ESCO1: variants seen among roughly 807,000 people sequenced by gnomAD.
ESCO1 encodes establishment of sister chromatid cohesion N-acetyltransferase 1.
A neutral mutation model predicts 83.5 loss-of-function variants in ESCO1; 33 were observed. The ratio of observed to expected loss-of-function variants is 0.40; its 90% confidence interval spans 0.30 to 0.53. The LOEUF is 0.53. ESCO1 is among the 20% of genes least tolerant of loss of function. The probability of loss-of-function intolerance (pLI) is 0.63; values close to 1 mark genes in which losing one functional copy is unlikely to be tolerated. For synonymous variants in ESCO1, 332 were observed against 324.3 expected (o/e 1.02, Z -0.25); for missense variants, 855 against 968.0 (o/e 0.88, Z 1.55).
rs1048249937 is a variant in ESCO1, at chr18:21,530,161, T to TA, written c.*181dup. ...GTAAAAGATAATAAAATATCTTCTTTAAAAAACAAAACAATAAGCTATTAC... is the reference window on the plus strand; with the variant it reads ...GTAAAAGATAATAAAATATCTTCTTTAAAAAAACAAAACAATAAGCTATTAC... On this transcript the variant is annotated 3_prime_UTR_variant, in exon 12 of 12. Transcript: ENST00000269214. 6.1e-5 allele frequency: 26 copies of TA among 427,510 alleles called. No individual in the cohort carries two copies. Among genetic ancestry groups the TA allele is most frequent in the African/African-American group, 4.5e-4 (22 of 48,888 alleles). The allele number at this position is 427,510 out of a possible 1,614,324, so 26.5% of individuals were successfully genotyped here.
At chr18:21,547,324 A>G (rs1022656750) in intron 8 of ESCO1, among the ~76,000 whole-genome samples, 6 of 150,908 alleles carry the variant, frequency 4.0e-5, no homozygotes, top group Non-Finnish European at 8.8e-5. Flanking sequence ...ATTATCACAT[A>G]AGAGATTACT....
At chr18:21,536,465 C>T (rs1221546440) in intron 9 of ESCO1, among the ~76,000 whole-genome samples, 1 of 152,000 alleles carries the variant, frequency 6.6e-6, no homozygotes, top group East Asian at 1.9e-4. Flanking sequence ...GCAGTGTGCG[C>T]CTGTAATCCC....
At chr18:21,531,327 T>G (rs1188402466) in intron 11 of ESCO1, among the ~76,000 whole-genome samples, 1 of 152,040 alleles carries the variant, frequency 6.6e-6, no homozygotes, top group African/African-American at 2.4e-5. Context: ...TCTCAGCTAC[T>G]CAGGAGGCTG....
rs1372414989 is a variant in ESCO1, at chr18:21,576,462, C to G, written c.-693-685G>C. On this transcript the variant is annotated intron_variant, in intron 2 of 11. Transcript: ENST00000269214. ...AGGTTGCAGTAAGCTATAATCATGC[C>G]AGTACACTCCAACCTGGACAAAAGA... Among the ~76,000 whole-genome samples the G allele has an allele frequency of 2.6e-5, 4 of 152,198 alleles. No individual in the cohort carries two copies. The East Asian group carries it at 7.7e-4, about 29-fold the overall frequency.
chr18:21,599,717 T>C (rs545613340), intron 1 of ESCO1, among the ~76,000 whole-genome samples: 1 of 151,968 alleles, frequency 6.6e-6, no homozygotes, highest in Non-Finnish European at 1.5e-5. Flanking sequence ...CTCCTCTTCC[T>C]CCCTCCCCTG....
intron 1 of ESCO1, among the ~76,000 whole-genome samples, chr18:21,594,160 C>T (rs1264564818): frequency 6.6e-6 from 1 of 152,164 alleles, no homozygotes; most frequent in Non-Finnish European, 1.5e-5. Flanking sequence ...CAAAATCACC[C>T]TGGGTTGAGA....
At chr18:21,600,205 G>A (rs765693355) in intron 1 of ESCO1, among the ~76,000 whole-genome samples, 4 of 152,260 alleles carry the variant, frequency 2.6e-5, no homozygotes, top group Non-Finnish European at 5.9e-5. Context: ...AGGGGGCGGA[G>A]ACGGGGCCCG....
chr18:21,534,228 T>C (rs568737988), intron 10 of ESCO1, among the ~76,000 whole-genome samples: 85 of 152,346 alleles, frequency 5.6e-4, no homozygotes, highest in African/African-American at 1.9e-3. Flanking sequence ...ACTGGAACAC[T>C]AAGCATGTGG....
intron 1 of ESCO1, among the ~76,000 whole-genome samples, chr18:21,599,424 G>C (rs2038809786): frequency 6.6e-6 from 1 of 152,338 alleles, no homozygotes; most frequent in South Asian, 2.1e-4. Flanking sequence ...AGAAGACAAA[G>C]TGAATATAGC....
At position 21,560,975 on chromosome 18, in the gene ESCO1, T is replaced by A; in HGVS notation, c.1837A>T (p.Arg613Ter). The change falls in exon 8 of 12, where the codon AGA (arginine) becomes TGA (stop). Residue 613 changes from arginine to a stop codon, truncating the protein, a stop_gained. Coordinates refer to ENST00000269214, the MANE Select transcript of ESCO1 (RefSeq NM_052911.3). LOFTEE classifies it high-confidence loss of function. ...KQLIIDAGQK[R>*]FGAVSCNVCG... Reference sequence around the variant, plus strand: ...ACATTACAAGAAACTGCTCCAAATCTTTTTTGTCCTGCATCCTATTTACAA... The same window carrying A: ...ACATTACAAGAAACTGCTCCAAATCATTTTTGTCCTGCATCCTATTTACAA... The A allele has an allele frequency of 6.3e-7, 1 of 1,588,654 alleles. No homozygotes were observed. Among genetic ancestry groups the A allele is most frequent in the Non-Finnish European group, 8.5e-7 (1 of 1,171,324 alleles).
intron 8 of ESCO1, among the ~76,000 whole-genome samples, chr18:21,552,924 C>A (rs987159516): frequency 4.6e-5 from 7 of 152,094 alleles, no homozygotes; most frequent in Non-Finnish European, 1.0e-4. Flanking sequence ...TTTAAGTATA[C>A]CAAAGGCACA....
chr18:21,553,816 C>T lies in ESCO1; in HGVS notation c.1953+7043G>A, dbSNP rs547158095. ...AGGTTGCAGTGAGCCGAGATTGTTG[C>T]GCCACTCACTGCACTCCAGCCTGGG... On this transcript the variant is annotated intron_variant, in intron 8 of 11. Coordinates refer to ENST00000269214, the MANE Select transcript of ESCO1 (RefSeq NM_052911.3). 9.4e-5 allele frequency among the ~76,000 whole-genome samples: 14 copies of T among 148,910 alleles called. 1 individual carries two copies. In the South Asian group the frequency reaches 2.1e-3, roughly 23 times the overall value.
intron 10 of ESCO1, among the ~76,000 whole-genome samples, chr18:21,535,440 T>C (rs1235929398): frequency 6.6e-6 from 1 of 151,372 alleles, no homozygotes; most frequent in African/African-American, 2.4e-5. Context: ...TGGAGTGCAG[T>C]GGCGCAATCT....
At chr18:21,530,536 TAAA>T (rs559851098) in intron 11 of ESCO1, 46 bp from the exon 12 acceptor site, 8 of 937,136 alleles carry the variant, frequency 8.5e-6, no homozygotes, top group East Asian at 4.6e-5. Flanking sequence ...TGTGAAATGT[TAAA>T]AAAAAAAAAA....
In ESCO1 at chr18:21,535,634, G is replaced by A. The variant is rs189499493; in HGVS notation, c.2187+408C>T. Among the ~76,000 whole-genome samples the A allele has an allele frequency of 1.7e-4, 26 of 152,086 alleles. No homozygotes were observed. The East Asian group carries it at 1.9e-3, about 11-fold the overall frequency. On this transcript the variant is annotated intron_variant, in intron 10 of 11. Coordinates refer to ENST00000269214, the MANE Select transcript of ESCO1 (RefSeq NM_052911.3). ...CCTGACCTTGTGATCCTCCCACTTC[G>A]GCCTCCCAAAGTGCTGGGATTACAG...
intron 4 of ESCO1, among the ~76,000 whole-genome samples, chr18:21,572,258 A>G (rs1249775127): frequency 1.3e-5 from 2 of 152,248 alleles, no homozygotes; most frequent in African/African-American, 4.8e-5. Flanking sequence ...AAAATTAAAC[A>G]GTACAAATAA....
At chr18:21,596,670 A>G (rs970614772) in intron 1 of ESCO1, among the ~76,000 whole-genome samples, 5 of 152,006 alleles carry the variant, frequency 3.3e-5, no homozygotes, top group Non-Finnish European at 5.9e-5. Context: ...CCGTCTCCAC[A>G]AAAATATAAA....
rs941168541 is a variant in ESCO1 at position 21,573,373 on chromosome 18, G to T, written c.1471C>A (p.Pro491Thr). Residue 491 changes from proline to threonine, a missense_variant, in exon 4 of 12, where the codon CCT (proline) becomes ACT (threonine). By Grantham distance (38) the Pro-to-Thr change is conservative. This residue lies in a region of ESCO1 where 726 missense variants were observed against 699.5 expected (regional missense o/e 1.04). Transcript: ENST00000269214. The stretch of plus-strand genomic sequence containing the variant: ...TGATTATCCAATGGTGGGTCAGAAG[G>T]TTTTATCTCATTGGCCAAATGACAA... ...ENCHLANEIK[P>T]SDPPLDNQMK... The T allele has an allele frequency of 1.9e-6, 3 of 1,605,552 alleles. No homozygotes were observed. Among genetic ancestry groups the T allele is most frequent in the African/African-American group, 2.7e-5 (2 of 74,124 alleles).
intron 1 of ESCO1, among the ~76,000 whole-genome samples, chr18:21,589,404 T>TA (rs1188808812): frequency 1.9e-5 from 2 of 108,052 alleles, no homozygotes; most frequent in Admixed American, 8.7e-5. Context: ...TGGTTTTTTT[T>TA]ACTTTTTTCT....
Sources: allele counts gnomAD v4.1 joint callset (sites outside exome capture counted in the v4.1 genomes callset), GRCh38; gene constraint gnomAD v4.1.1; regional missense constraint gnomAD v4.1.1; transcripts MANE v1.5; gene names NCBI Gene and HGNC (gene_info 2026-07-23, HGNC 2026-07-21).